Variants in LDLRAD4 observed in about 807,000 individuals in gnomAD.
LDLRAD4 encodes the protein low density lipoprotein receptor class A domain containing 4.
LDLRAD4 carries 5 observed loss-of-function variants against 17.0 expected under a neutral mutation model. The observed-to-expected ratio is 0.29, with a 90% confidence interval of 0.15 to 0.62. The LOEUF is 0.62. Ranked by LOEUF, LDLRAD4 falls within the 20% of genes least tolerant of loss-of-function variation. The pLI is 0.84. For missense variants in LDLRAD4, 340 were observed against 424.7 expected (o/e 0.80, Z 1.75); for synonymous variants, 168 against 171.8 (o/e 0.98, Z 0.17).
chr18:13,338,862 C>T (rs1183095038), intron 1 of LDLRAD4, among the ~76,000 whole-genome samples: 1 of 152,140 alleles, frequency 6.6e-6, no homozygotes, highest in Admixed American at 6.5e-5. Context: ...TGATGCTTTC[C>T]ACTGGTTGTT....
intron 2 of LDLRAD4, among the ~76,000 whole-genome samples, chr18:13,435,956 A>T (rs1176323012): frequency 6.6e-6 from 1 of 152,260 alleles, no homozygotes; most frequent in East Asian, 1.9e-4. Context: ...AAACTGAGGC[A>T]GTGCTATGAG....
At position 13,645,414 on chromosome 18, in the gene LDLRAD4, G is replaced by T. The variant is rs767551833; in HGVS notation, c.678G>T (p.Gly226=). Residue 226 remains glycine (G), a synonymous_variant, in exon 6 of 6, where the codon GGG becomes GGT. Transcript: ENST00000359446. The surrounding 1 kb of genome is among the most constrained non-coding windows in gnomAD (Gnocchi z 5.7). ...TAATAGACATTGCTATGTATAGCGG[G>T]GGTCCATGCCCACCCAGCAGCAACT... The T allele has an allele frequency of 1.2e-6, 2 of 1,614,144 alleles. No homozygotes were observed. Among genetic ancestry groups the T allele is most frequent in the Admixed American group, 1.7e-5 (1 of 60,034 alleles).
intron 3 of LDLRAD4, among the ~76,000 whole-genome samples, chr18:13,546,653 T>G (rs887893501): frequency 1.3e-5 from 2 of 152,120 alleles, no homozygotes; most frequent in African/African-American, 4.8e-5. Flanking sequence ...GTGGAATTAC[T>G]CAGTACCCTG....
At chr18:13,619,515 C>CGGGGGG (rs71366065) in intron 3 of LDLRAD4, among the ~76,000 whole-genome samples, 2 of 47,822 alleles carry the variant, frequency 4.2e-5, no homozygotes, top group Admixed American at 2.7e-4. Flanking sequence ...GGGGTGGGGC[C>CGGGGGG]GGGGGGGGGC....
chr18:13,477,164 AGG>A (rs1178301063), intron 3 of LDLRAD4, among the ~76,000 whole-genome samples: 1 of 152,184 alleles, frequency 6.6e-6, no homozygotes, highest in East Asian at 1.9e-4. Context: ...TTTTCCCCAG[AGG>A]GGTCCTTCTT....
intron 2 of LDLRAD4, among the ~76,000 whole-genome samples, chr18:13,403,929 C>A (rs1426358597): frequency 6.6e-6 from 1 of 152,180 alleles, no homozygotes; most frequent in African/African-American, 2.4e-5. Context: ...CATCTGGATG[C>A]GCCCTGTCCC....
chr18:13,276,359 A>T (rs565995211), upstream of LDLRAD4, among the ~76,000 whole-genome samples: 43 of 152,336 alleles, frequency 2.8e-4, no homozygotes, highest in African/African-American at 9.1e-4. Flanking sequence ...ACAAATTATT[A>T]TAAACTTAGG....
intron 4 of LDLRAD4, among the ~76,000 whole-genome samples, chr18:13,629,992 C>T (rs2041522014): frequency 6.6e-6 from 1 of 152,192 alleles, no homozygotes; most frequent in Non-Finnish European, 1.5e-5. Context: ...ATGATGCCTG[C>T]CTGGATCTTG....
intron 2 of LDLRAD4, among the ~76,000 whole-genome samples, chr18:13,393,740 T>C (rs1568092754): frequency 1.3e-5 from 2 of 152,186 alleles, no homozygotes; most frequent in East Asian, 3.8e-4. Flanking sequence ...TCTTGCTTCA[T>C]AACAGGAGTC....
intron 3 of LDLRAD4, among the ~76,000 whole-genome samples, chr18:13,579,050 C>T (rs575449853): frequency 2.6e-5 from 4 of 151,750 alleles, no homozygotes; most frequent in South Asian, 2.1e-4. Context: ...ATTAGTCAGA[C>T]GTGATGGCAC....
intron 4 of LDLRAD4, among the ~76,000 whole-genome samples, chr18:13,632,921 C>G (rs892433213): frequency 1.3e-5 from 2 of 152,180 alleles, no homozygotes; most frequent in Non-Finnish European, 2.9e-5. Context: ...CAGTGGGTAG[C>G]TCCTTTCCCC....
chr18:13,554,392 T>A (rs1423947501), intron 3 of LDLRAD4, among the ~76,000 whole-genome samples: 1 of 152,184 alleles, frequency 6.6e-6, no homozygotes, highest in East Asian at 1.9e-4. Flanking sequence ...AACAAACTAG[T>A]TGTATATTTT....
chr18:13,612,299 C>T, intron 3 of LDLRAD4: 4 of 1,037,714 alleles, frequency 3.9e-6, no homozygotes, highest in Non-Finnish European at 3.5e-6. Flanking sequence ...AGACTGCTCA[C>T]TGATAGACGT....
At chr18:13,501,497 G>A (rs1481119625) in intron 3 of LDLRAD4, among the ~76,000 whole-genome samples, 5 of 152,124 alleles carry the variant, frequency 3.3e-5, no homozygotes, top group African/African-American at 1.2e-4. Flanking sequence ...CTGTCTGTCT[G>A]TCTGTCTGTC....
intron 3 of LDLRAD4, among the ~76,000 whole-genome samples, chr18:13,485,596 C>G (rs568280450): frequency 6.6e-6 from 1 of 152,186 alleles, no homozygotes; most frequent in African/African-American, 2.4e-5. Flanking sequence ...CTGCTGGGCC[C>G]GGGGCGTGGC....
At chr18:13,472,932 TAGA>T (rs2092818856) in intron 3 of LDLRAD4, among the ~76,000 whole-genome samples, 1 of 152,250 alleles carries the variant, frequency 6.6e-6, no homozygotes, top group Admixed American at 6.5e-5. Flanking sequence ...TTGCAAACGT[TAGA>T]AGATAGTGTT....
chr18:13,624,597 G>C (rs868692664), intron 4 of LDLRAD4, among the ~76,000 whole-genome samples: 1 of 152,230 alleles, frequency 6.6e-6, no homozygotes, highest in African/African-American at 2.4e-5. Flanking sequence ...AGCTGTAGGA[G>C]GTGTTTGGGG....
chr18:13,466,304 C>T (rs777167368), intron 3 of LDLRAD4, among the ~76,000 whole-genome samples: 1 of 151,786 alleles, frequency 6.6e-6, no homozygotes, highest in Non-Finnish European at 1.5e-5. Context: ...AAGCCTGTTT[C>T]TACAAAAAAT....
At chr18:13,397,022 G>T (rs1383813100) in intron 2 of LDLRAD4, among the ~76,000 whole-genome samples, 1 of 152,238 alleles carries the variant, frequency 6.6e-6, no homozygotes, top group South Asian at 2.1e-4. Flanking sequence ...ACTCCCTAAG[G>T]AGATGGGGGT....
Sources: gnomAD v4.1 joint callset for allele counts (sites outside exome capture counted in the v4.1 genomes callset) on GRCh38, gnomAD v4.1.1 for gene constraint, Gnocchi (gnomAD v3.1) non-coding constraint, MANE v1.5 for transcripts, NCBI Gene and HGNC (gene_info 2026-07-23, HGNC 2026-07-21) for gene names.